The following TEC variants were observed in gnomAD, a reference collection of about 807,000 sequenced individuals.
TEC encodes tec protein tyrosine kinase.
A neutral mutation model predicts 93.0 loss-of-function variants in TEC; 72 were observed. That is an observed-to-expected ratio of 0.77 (90% confidence interval 0.64 to 0.94). TEC has a LOEUF of 0.94. Among genes scored for constraint, TEC ranks in the 40% least tolerant of loss-of-function variants. The pLI is 0.00. For missense variants in TEC, 630 were observed against 757.9 expected, an observed-to-expected ratio of 0.83 and a Z score of 1.98; for synonymous variants, 249 against 247.7, an observed-to-expected ratio of 1.01 and a Z score of -0.05.
rs34965891 is a variant in TEC, at chr4:48,199,455, CTTTTTTTTTTTTTTT to C, written c.139-23284_139-23270del. On this transcript the variant is annotated intron_variant, in intron 2 of 17. Coordinates refer to ENST00000381501, the MANE Select transcript of TEC (RefSeq NM_003215.3). ...CTGGGCTACAGAAAGGATTTTCTTT[CTTTTTTTTTTTTTTT>C]TTTTTTTTTTTTTTGAGACAAAGTC... 4.6e-4 allele frequency among the ~76,000 whole-genome samples: 31 copies of C among 67,358 alleles called. 1 individual carries two copies. Among genetic ancestry groups the C allele is most frequent in the African/African-American group, 6.9e-4 (11 of 16,038 alleles). 44.2% of individuals were successfully genotyped at this position (67,358 alleles called of 152,430 possible). A position where few individuals can be genotyped will look rare whatever the true frequency, so the allele number is the denominator to read the frequency against.
intron 17 of TEC, among the ~76,000 whole-genome samples, chr4:48,138,392 C>A (rs1370094959): frequency 6.6e-6 from 1 of 152,174 alleles, no homozygotes; most frequent in Non-Finnish European, 1.5e-5. Flanking sequence ...AGGCTTATTC[C>A]CCAAGTCCCT....
At chr4:48,189,306 A>C (rs1039152859) in intron 2 of TEC, among the ~76,000 whole-genome samples, 2 of 151,468 alleles carry the variant, frequency 1.3e-5, no homozygotes, top group African/African-American at 4.8e-5. Flanking sequence ...CTCCCAACAC[A>C]TGTGTGAAGA....
At chr4:48,176,268 C>G (rs1047341243) in intron 2 of TEC, 82 bp from the exon 3 acceptor site, 8 of 1,064,564 alleles carry the variant, frequency 7.5e-6, no homozygotes, top group Admixed American at 2.0e-5. Context: ...AAATTTTGCT[C>G]TGATTCAAAA....
At chr4:48,140,576 G>C (rs555943567) in intron 15 of TEC, among the ~76,000 whole-genome samples, 2 of 152,150 alleles carry the variant, frequency 1.3e-5, no homozygotes, top group Non-Finnish European at 2.9e-5. Context: ...TACAGTCCCC[G>C]TGACAACTAC....
At chr4:48,265,539 G>A (rs1215509220) in intron 1 of TEC, among the ~76,000 whole-genome samples, 1 of 139,444 alleles carries the variant, frequency 7.2e-6, no homozygotes, top group African/African-American at 2.7e-5. Context: ...TTGAGACAAA[G>A]TCTCAATCTG....
rs970416234 is a variant in TEC, at chr4:48,136,955, T to C, written c.*461A>G. ...TTATTTATCCAAGATGGGTTCCTGATGTATCTAGAACCCAATTGTAGACAA... is the reference window on the plus strand; with the variant it reads ...TTATTTATCCAAGATGGGTTCCTGACGTATCTAGAACCCAATTGTAGACAA... On this transcript the variant is annotated 3_prime_UTR_variant, in exon 18 of 18. Coordinates refer to ENST00000381501, the MANE Select transcript of TEC (RefSeq NM_003215.3). The C allele has an allele frequency of 6.5e-6, 1 of 153,578 alleles. No individual in the cohort carries two copies. Among genetic ancestry groups the C allele is most frequent in the African/African-American group, 2.4e-5 (1 of 41,480 alleles). 9.5% of individuals were successfully genotyped at this position (153,578 alleles called of 1,614,324 possible). A position where few individuals can be genotyped will look rare whatever the true frequency, so the allele number is the denominator to read the frequency against.
At chr4:48,149,416 C>T in intron 11 of TEC, 141 bp downstream of exon 11, 2 of 828,438 alleles carry the variant, frequency 2.4e-6, no homozygotes, top group Non-Finnish European at 1.7e-6. Context: ...TATATCATTC[C>T]TTTAATATGC....
intron 1 of TEC, among the ~76,000 whole-genome samples, chr4:48,250,784 T>C (rs1451178778): frequency 6.6e-6 from 1 of 152,186 alleles, no homozygotes; most frequent in Non-Finnish European, 1.5e-5. Flanking sequence ...TAACCCACAG[T>C]GGACCACAGA....
At chr4:48,247,612 A>T (rs1236467669) in intron 1 of TEC, among the ~76,000 whole-genome samples, 5 of 152,246 alleles carry the variant, frequency 3.3e-5, no homozygotes, top group African/African-American at 2.4e-5. Flanking sequence ...CCTTGAAAAC[A>T]TTATGTTGGA....
chr4:48,166,730 T>C (rs1303895866), intron 7 of TEC, among the ~76,000 whole-genome samples: 3 of 151,920 alleles, frequency 2.0e-5, no homozygotes, highest in South Asian at 4.1e-4. Context: ...ATCAATCTTA[T>C]ACAGCATCCG....
At chr4:48,240,389 A>G (rs1351075143) in intron 1 of TEC, among the ~76,000 whole-genome samples, 1 of 152,154 alleles carries the variant, frequency 6.6e-6, no homozygotes, top group Non-Finnish European at 1.5e-5. Flanking sequence ...CAACACAAGA[A>G]AAAGGTGGAT....
intron 1 of TEC, among the ~76,000 whole-genome samples, chr4:48,245,221 A>G (rs980067155): frequency 1.3e-5 from 2 of 151,690 alleles, no homozygotes; most frequent in Non-Finnish European, 2.9e-5. Flanking sequence ...TTAACCAGGG[A>G]GTCGGAGGTT....
At chr4:48,204,017 T>C (rs767899282) in intron 2 of TEC, among the ~76,000 whole-genome samples, 4 of 152,190 alleles carry the variant, frequency 2.6e-5, no homozygotes, top group Non-Finnish European at 5.9e-5. Context: ...AGGATCTCCT[T>C]CTCAATTTGC....
rs952056934 is a variant in TEC, at chr4:48,138,720, T to C, written c.1757A>G (p.Gln586Arg). 1.1e-5 allele frequency: 17 copies of C among 1,614,108 alleles called. No individual in the cohort carries two copies. The highest frequency in any genetic ancestry group is 1.4e-5 in the Non-Finnish European group (16 of 1,180,036). The stretch of plus-strand genomic sequence containing the variant: ...CACATAGTTGGACGCCAACTTCGGC[T>C]GGTAGAGTCGGTGGCCTCGAGTAAC... ...TMVTRGHRLY[Q>R]PKLASNYVYE... Residue 586 changes from glutamine to arginine, a missense_variant, in exon 17 of 18, where the codon CAG becomes CGG. This residue lies in a region of TEC where 289 missense variants were observed against 390.0 expected (regional missense o/e 0.74). Transcript: ENST00000381501.
At chr4:48,183,946 G>A (rs1194502844) in intron 2 of TEC, among the ~76,000 whole-genome samples, 3 of 152,240 alleles carry the variant, frequency 2.0e-5, no homozygotes, top group Middle Eastern at 3.4e-3. Context: ...GATTGTAGAG[G>A]CTGAGCCAGA....
chr4:48,226,366 C>A (rs1163773214), intron 2 of TEC, among the ~76,000 whole-genome samples: 1 of 143,204 alleles, frequency 7.0e-6, no homozygotes, highest in East Asian at 2.0e-4. Flanking sequence ...AAAAGTTACA[C>A]TGAGTGTGCC....
Position 48,230,804 on chromosome 4 carries a change from C to T in TEC, c.-45-2145G>A, listed in dbSNP as rs145656549. Among the ~76,000 whole-genome samples the T allele has an allele frequency of 8.7e-4, 132 of 152,268 alleles. 2 individuals are homozygous for T. The East Asian group carries it at 0.023, about 26-fold the overall frequency. ...GAGATTCCCCTCACAGCATTCATTC[C>T]CTGGCCTAGTGGACTCTCTGCTTTC... On this transcript the variant is annotated intron_variant, in intron 1 of 17. Coordinates refer to ENST00000381501, the MANE Select transcript of TEC (RefSeq NM_003215.3).
Position 48,176,205 on chromosome 4 carries a change from G to A in TEC, c.139-19C>T, listed in dbSNP as rs1721318350. On this transcript the variant is annotated intron_variant, in intron 2 of 17. Transcript: ENST00000381501. ...ATTTCTTCTGTTAAAAGAAAAAAAG[G>A]AGAAACATTAGAATCATAAGACATA... The A allele has an allele frequency of 6.4e-7, 1 of 1,562,204 alleles. No individual in the cohort carries two copies. The highest frequency in any genetic ancestry group is 1.7e-5 in the Admixed American group (1 of 59,582).
At chr4:48,262,802 T>C (rs1724532333) in intron 1 of TEC, among the ~76,000 whole-genome samples, 1 of 152,204 alleles carries the variant, frequency 6.6e-6, no homozygotes, top group Admixed American at 6.5e-5. Context: ...TTTTTAACCA[T>C]CTGTCATCCT....
Sources: gnomAD v4.1 joint callset for allele counts (sites outside exome capture counted in the v4.1 genomes callset) on GRCh38, gnomAD v4.1.1 for gene constraint, gnomAD v4.1.1 regional missense constraint, MANE v1.5 for transcripts, NCBI Gene and HGNC (gene_info 2026-07-23, HGNC 2026-07-21) for gene names.